The following ABHD12 variants were observed in gnomAD, a reference collection of about 807,000 sequenced individuals.
ABHD12 encodes lysophosphatidylserine lipase ABHD12.
A neutral mutation model predicts 58.3 loss-of-function variants in ABHD12; 43 were observed. The observed-to-expected ratio is 0.74, with a 90% CI of 0.58 to 0.95. The LOEUF (loss-of-function observed/expected upper bound fraction) is 0.95, where lower values mean the gene tolerates loss of function less well. Ranked by LOEUF, ABHD12 falls within the 40% of genes least tolerant of loss-of-function variation. The pLI, the probability that ABHD12 is intolerant of heterozygous loss-of-function variation, is 0.00. For missense variants in ABHD12, 539 were observed against 537.2 expected (o/e 1.00, Z -0.03); for synonymous variants, 219 against 211.2 (o/e 1.04, Z -0.32).
intron 6 of ABHD12, among the ~76,000 whole-genome samples, chr20:25,311,060 T>TC (rs1180907106): frequency 6.6e-6 from 1 of 152,188 alleles, no homozygotes; most frequent in Non-Finnish European, 1.5e-5. Flanking sequence ...CTGGAGTTTT[T>TC]CCCAGCCCAC....
At chr20:25,370,823 A>G (rs2089891133) in intron 1 of ABHD12, among the ~76,000 whole-genome samples, 1 of 149,554 alleles carries the variant, frequency 6.7e-6, no homozygotes, top group Admixed American at 6.6e-5. Context: ...TGTTATTTTT[A>G]TTAATTCTTC....
chr20:25,296,219 C>T (rs764160304), downstream of ABHD12: 116 of 966,824 alleles, frequency 1.2e-4, no homozygotes, highest in Middle Eastern at 2.3e-4. Flanking sequence ...CCCTTTTCAA[C>T]GAACAAGTGA....
intron 4 of ABHD12, among the ~76,000 whole-genome samples, chr20:25,318,744 A>G (rs1434217452): frequency 6.6e-6 from 1 of 152,132 alleles, no homozygotes; most frequent in Non-Finnish European, 1.5e-5. Flanking sequence ...TGTCATTTAT[A>G]AAAAGATGCT....
Position 25,309,428 on chromosome 20 carries a change from C to T in ABHD12, c.749+18G>A. On this transcript the variant is annotated intron_variant, in intron 7 of 12. Coordinates refer to ENST00000339157, the MANE Select transcript of ABHD12 (RefSeq NM_001042472.3). ...TACTGACTCCCACTAAAGGCTGCCT[C>T]CTGCTGGGGTCCCTTACCCAGTGCC... is the stretch of plus-strand genomic sequence containing the variant. 1 of 1,613,952 alleles carries T rather than the reference C, an allele frequency of 6.2e-7. No individual in the cohort carries two copies. The highest frequency in any genetic ancestry group is 1.7e-4 in the Middle Eastern group (1 of 6,060).
chr20:25,330,150 G>C (rs1159823851), intron 2 of ABHD12, among the ~76,000 whole-genome samples: 1 of 152,264 alleles, frequency 6.6e-6, no homozygotes, highest in African/African-American at 2.4e-5. Flanking sequence ...GCCTCACTCG[G>C]GAAGCGCAAG....
intron 1 of ABHD12, among the ~76,000 whole-genome samples, chr20:25,345,010 T>C (rs538567862): frequency 6.6e-6 from 1 of 151,116 alleles, no homozygotes; most frequent in East Asian, 1.9e-4. Context: ...TAGACCTAAA[T>C]GTAAAAACAG....
At chr20:25,371,050 G>C (rs930997123) in intron 1 of ABHD12, among the ~76,000 whole-genome samples, 1 of 151,984 alleles carries the variant, frequency 6.6e-6, no homozygotes, top group Non-Finnish European at 1.5e-5. Flanking sequence ...CTCCCATCAT[G>C]AGCAAGCTGC....
chr20:25,372,244 A>C (rs780421723), intron 1 of ABHD12, among the ~76,000 whole-genome samples: 39 of 151,252 alleles, frequency 2.6e-4, no homozygotes, highest in Non-Finnish European at 3.8e-4. Context: ...AAGAAACAAG[A>C]TCTTACTCTG....
At chr20:25,295,416 C>T (rs1383823129), downstream of ABHD12, among the ~76,000 whole-genome samples, 1 of 152,266 alleles carries the variant, frequency 6.6e-6, no homozygotes, top group East Asian at 1.9e-4. Flanking sequence ...AAGTGTTGCT[C>T]ACAGAGAAGC....
intron 12 of ABHD12, among the ~76,000 whole-genome samples, chr20:25,301,401 T>G (rs1457110003): frequency 6.6e-6 from 1 of 152,194 alleles, no homozygotes; most frequent in East Asian, 1.9e-4. Context: ...ACTGGCACCT[T>G]GACCTACTTT....
intron 2 of ABHD12, among the ~76,000 whole-genome samples, chr20:25,335,642 T>C (rs1481948635): frequency 6.9e-6 from 1 of 144,610 alleles, no homozygotes; most frequent in African/African-American, 2.6e-5. Flanking sequence ...AAATGATGAG[T>C]TCATGTCCTT....
chr20:25,362,002 C>T (rs763986593), intron 1 of ABHD12, among the ~76,000 whole-genome samples: 4 of 151,012 alleles, frequency 2.6e-5, no homozygotes, highest in Admixed American at 6.6e-5. Context: ...CACCCGGGCA[C>T]GGTGGCTCAT....
At chr20:25,338,467 G>A (rs2089408876) in intron 2 of ABHD12, among the ~76,000 whole-genome samples, 1 of 152,156 alleles carries the variant, frequency 6.6e-6, no homozygotes, top group Non-Finnish European at 1.5e-5. Flanking sequence ...CACAGATGCG[G>A]CCCTTTCCTT....
At chr20:25,385,677 G>A (rs931170552) in intron 1 of ABHD12, among the ~76,000 whole-genome samples, 2 of 135,656 alleles carry the variant, frequency 1.5e-5, no homozygotes, top group African/African-American at 5.9e-5. Flanking sequence ...AGACCTGCCT[G>A]TACCAAAAAA....
At chr20:25,311,983 C>T (rs1000184611) in intron 6 of ABHD12, among the ~76,000 whole-genome samples, 5 of 151,986 alleles carry the variant, frequency 3.3e-5, no homozygotes, top group Non-Finnish European at 5.9e-5. Flanking sequence ...GCTGGGATTA[C>T]AGGCGTGAGC....
At chr20:25,308,931 C>A (rs983135808) in intron 7 of ABHD12, among the ~76,000 whole-genome samples, 2 of 152,236 alleles carry the variant, frequency 1.3e-5, no homozygotes, top group Non-Finnish European at 2.9e-5. Context: ...TGATGCTTCC[C>A]AGCCTACAAG....
At chr20:25,335,612 G>A (rs1272297378) in intron 2 of ABHD12, among the ~76,000 whole-genome samples, 227 of 137,568 alleles carry the variant, frequency 1.7e-3, no homozygotes, top group African/African-American at 6.1e-3. Context: ...ATACACCATG[G>A]AATACTATGC....
intron 6 of ABHD12, among the ~76,000 whole-genome samples, chr20:25,313,696 C>T (rs2088907665): frequency 6.6e-6 from 1 of 152,120 alleles, no homozygotes; most frequent in African/African-American, 2.4e-5. Flanking sequence ...TTGGGAAGAT[C>T]ACTTGAACCC....
At chr20:25,295,567 C>G, downstream of ABHD12, 1 of 1,593,046 alleles carries the variant, frequency 6.3e-7, no homozygotes, top group Non-Finnish European at 8.6e-7. Flanking sequence ...GCAGGGCTCC[C>G]TGCTGCCCTG....
Sources: allele counts gnomAD v4.1 joint callset (sites outside exome capture counted in the v4.1 genomes callset), GRCh38; gene constraint gnomAD v4.1.1; transcripts MANE v1.5; gene names NCBI Gene and HGNC (gene_info 2026-07-23, HGNC 2026-07-21).